Variants in PPP1R9A observed in about 807,000 individuals in gnomAD.
PPP1R9A encodes neurabin-1.
Under a neutral mutation model 141.9 loss-of-function variants are expected in PPP1R9A, and 59 were observed. The observed-to-expected ratio is 0.42, with a 90% CI of 0.34 to 0.52. The LOEUF (loss-of-function observed/expected upper bound fraction) is 0.52. PPP1R9A is among the 20% of genes least tolerant of loss of function. The pLI is 0.10. For synonymous variants in PPP1R9A, 500 were observed against 569.7 expected, an observed-to-expected ratio of 0.88 and a Z score of 1.74; for missense variants, 1,444 against 1,611.9, an observed-to-expected ratio of 0.90 and a Z score of 1.78.
rs1791419222 is a variant in PPP1R9A, at chr7:94,911,242, T to C, written c.1129T>C (p.Ser377Pro). The change falls in exon 2 of 20, where the codon TCC becomes CCC. Residue 377 changes from serine to proline, a missense_variant. Ser to Pro is a moderately conservative substitution (Grantham distance 74). Around this residue, in one of 5 missense-constraint regions of PPP1R9A, gnomAD observed 490 missense variants for 521.1 expected, o/e 0.94. Transcript: ENST00000433360. ...TTTCACCTCTCCTGATGCTTCTGCA[T>C]CCAGTTGTGGAAAAGAAGTACCTGA... ...GDFTSPDASA[S>P]SCGKEVPEDS... 1 of 1,614,204 alleles carries C rather than the reference T, an allele frequency of 6.2e-7. No homozygotes were observed. Among genetic ancestry groups the C allele is most frequent in the Non-Finnish European group, 8.5e-7 (1 of 1,180,016 alleles).
At chr7:95,101,555 A>G (rs1233708058) in intron 2 of PPP1R9A, among the ~76,000 whole-genome samples, 1 of 152,236 alleles carries the variant, frequency 6.6e-6, no homozygotes, top group Non-Finnish European at 1.5e-5. Context: ...TCAGTCAAGA[A>G]GTGACACACA....
chr7:94,981,045 G>A (rs1800045778), intron 2 of PPP1R9A, among the ~76,000 whole-genome samples: 1 of 152,158 alleles, frequency 6.6e-6, no homozygotes, highest in Non-Finnish European at 1.5e-5. Context: ...AAATTGCTGT[G>A]CAGCTGTGCT....
chr7:95,000,749 G>T (rs1802806713), intron 2 of PPP1R9A, among the ~76,000 whole-genome samples: 2 of 152,142 alleles, frequency 1.3e-5, no homozygotes, highest in South Asian at 4.1e-4. Context: ...CTCTCTCCAA[G>T]TCACACAGTT....
chr7:95,247,579 T>C, intron 9 of PPP1R9A, 53 bp downstream of exon 9: 2 of 1,397,910 alleles, frequency 1.4e-6, no homozygotes, highest in Non-Finnish European at 2.0e-6. Flanking sequence ...TCAGATACTA[T>C]GAATAAATCC....
At chr7:94,983,191 C>G (rs1386243778) in intron 2 of PPP1R9A, among the ~76,000 whole-genome samples, 1 of 152,106 alleles carries the variant, frequency 6.6e-6, no homozygotes, top group Non-Finnish European at 1.5e-5. Flanking sequence ...TGGTCTATAT[C>G]TCTGTTTTTG....
chr7:95,120,891 C>T, intron 4 of PPP1R9A, 59 bp downstream of exon 4: 24 of 1,520,100 alleles, frequency 1.6e-5, no homozygotes, highest in Non-Finnish European at 2.1e-5. Flanking sequence ...CTGGAAGTTT[C>T]CTTCAGTTGT....
chr7:94,929,102 C>T (rs1286172170), intron 2 of PPP1R9A, among the ~76,000 whole-genome samples: 1 of 152,148 alleles, frequency 6.6e-6, no homozygotes, highest in Non-Finnish European at 1.5e-5. Context: ...TTTATGATTT[C>T]TAACTTTAAC....
intron 8 of PPP1R9A, among the ~76,000 whole-genome samples, chr7:95,227,767 G>C (rs557808421): frequency 6.6e-6 from 1 of 152,138 alleles, no homozygotes; most frequent in African/African-American, 2.4e-5. Context: ...TTTTTAGCTT[G>C]AGTAACCAGA....
chr7:95,028,522 G>C (rs183728705), intron 2 of PPP1R9A, among the ~76,000 whole-genome samples: 164 of 152,218 alleles, frequency 1.1e-3, no homozygotes, highest in African/African-American at 3.6e-3. Flanking sequence ...ATATTAACAT[G>C]TAATCTAGGT....
At chr7:94,964,388 G>T (rs1283540202) in intron 2 of PPP1R9A, among the ~76,000 whole-genome samples, 1 of 152,018 alleles carries the variant, frequency 6.6e-6, no homozygotes, top group African/African-American at 2.4e-5. Flanking sequence ...TGTGCAGAAT[G>T]TGCAGTTTAC....
At chr7:95,133,829 A>C (rs1825125966) in intron 4 of PPP1R9A, among the ~76,000 whole-genome samples, 1 of 151,948 alleles carries the variant, frequency 6.6e-6, no homozygotes, top group Non-Finnish European at 1.5e-5. Flanking sequence ...AGTTGGGACC[A>C]CATGTGCACA....
At chr7:95,189,193 T>C (rs929901916) in intron 5 of PPP1R9A, among the ~76,000 whole-genome samples, 3 of 152,152 alleles carry the variant, frequency 2.0e-5, no homozygotes, top group African/African-American at 7.2e-5. Flanking sequence ...TACCACTTTA[T>C]GTTCCTTTAG....
intron 2 of PPP1R9A, among the ~76,000 whole-genome samples, chr7:94,936,360 C>T (rs1452990006): frequency 1.3e-5 from 2 of 152,018 alleles, no homozygotes. Flanking sequence ...TCTGTTTTGC[C>T]CAGGAAAGCT....
At chr7:94,977,863 A>G (rs1799641660) in intron 2 of PPP1R9A, among the ~76,000 whole-genome samples, 1 of 151,730 alleles carries the variant, frequency 6.6e-6, no homozygotes, top group Admixed American at 6.6e-5. Flanking sequence ...CCCAGGTTCA[A>G]GCGATTCTTC....
chr7:95,111,507 G>A (rs1459690305), intron 3 of PPP1R9A, 116 bp downstream of exon 3: 8 of 1,048,022 alleles, frequency 7.6e-6, no homozygotes, highest in Admixed American at 2.8e-5. Context: ...TTCTAACAGA[G>A]GATCTTATTT....
In PPP1R9A at chr7:95,276,591, T is replaced by C. The variant is rs888270831; in HGVS notation, c.3296+2423T>C. Among the ~76,000 whole-genome samples the C allele has an allele frequency of 5.9e-5, 9 of 152,320 alleles. No individual in the cohort carries two copies. In the East Asian group the frequency reaches 1.7e-3, roughly 29 times the overall value. ...TAATTAGAATCATGATTTTGATCTT[T>C]TGTAGTTCCTAAGTGTGATGATTGG... On this transcript the variant is annotated intron_variant, in intron 16 of 19. Coordinates refer to ENST00000433360, the MANE Select transcript of PPP1R9A (RefSeq NM_001166160.2).
intron 2 of PPP1R9A, among the ~76,000 whole-genome samples, chr7:95,072,835 TA>T (rs1242666542): frequency 0.021 from 1,195 of 57,036 alleles, 33 homozygotes; most frequent in African/African-American, 0.1. Flanking sequence ...ATATATATAA[TA>T]ATTATTATAT....
At chr7:94,959,567 T>C (rs1303985634) in intron 2 of PPP1R9A, among the ~76,000 whole-genome samples, 2 of 151,712 alleles carry the variant, frequency 1.3e-5, no homozygotes, top group South Asian at 4.1e-4. Context: ...TTTCTGAGAA[T>C]TGAAAAAATT....
chr7:95,199,530 G>A (rs1789067277), intron 6 of PPP1R9A, among the ~76,000 whole-genome samples: 1 of 152,066 alleles, frequency 6.6e-6, no homozygotes, highest in African/African-American at 2.4e-5. Flanking sequence ...TGTATATTAA[G>A]ATCTCATGAA....
Sources: gnomAD v4.1 joint callset for allele counts (sites outside exome capture counted in the v4.1 genomes callset) on GRCh38, gnomAD v4.1.1 for gene constraint, gnomAD v4.1.1 regional missense constraint, MANE v1.5 for transcripts, NCBI Gene and HGNC (gene_info 2026-07-23, HGNC 2026-07-21) for gene names.